Variants in PCDHGA1 observed in about 807,000 individuals in gnomAD.
The protein encoded by PCDHGA1 is protocadherin gamma-A1.
Under a neutral mutation model 58.0 loss-of-function variants are expected in PCDHGA1, and 32 were observed. The observed-to-expected ratio is 0.55, with a 90% CI of 0.42 to 0.74. The LOEUF is 0.74. Among genes scored for constraint, PCDHGA1 ranks in the 30% least tolerant of loss-of-function variants. The pLI is 0.00. For missense variants in PCDHGA1, 1,205 were observed against 1,182.3 expected (o/e 1.02, Z -0.28); for synonymous variants, 498 against 501.1 (o/e 0.99, Z 0.08).
At chr5:141,419,246 GAAAACAACCAGCC>G (rs749331717) in intron 1 of PCDHGA1, 1 of 1,614,004 alleles carries the variant, frequency 6.2e-7, no homozygotes, top group South Asian at 1.1e-5. Flanking sequence ...CCACGTGCCA[GAAAACAACCAGCC>G]GGGTGCCTCC....
chr5:141,489,942 C>T lies in PCDHGA1; in HGVS notation c.2422-4865C>T. On this transcript the variant is annotated intron_variant, in intron 1 of 3. Transcript: ENST00000517417. The surrounding 1 kb of genome is among the most constrained non-coding windows in gnomAD (Gnocchi z 4.5). ...CCCTTATCTCTGTCATCGTGCTGGA[C>T]ATCAATGATAATGCTCCAACCTTCC... 2 of 1,614,170 alleles carry T rather than the reference C, an allele frequency of 1.2e-6. No homozygotes were observed. The highest frequency in any genetic ancestry group is 1.7e-6 in the Non-Finnish European group (2 of 1,179,984).
intron 1 of PCDHGA1, among the ~76,000 whole-genome samples, chr5:141,402,461 C>A (rs892900332): frequency 1.3e-5 from 2 of 151,994 alleles, no homozygotes; most frequent in East Asian, 3.8e-4. Context: ...GTTTACATAT[C>A]TAGAAATAGA....
rs1337141924 is a variant in PCDHGA1, at chr5:141,512,916, CTAATATT to C, written c.*1746_*1752del. On this transcript the variant is annotated 3_prime_UTR_variant, in exon 4 of 4. Coordinates refer to ENST00000517417, the MANE Select transcript of PCDHGA1 (RefSeq NM_018912.3). The stretch of plus-strand genomic sequence containing the variant: ...CTGTGTCTCACGCAAGTTTTATACT[CTAATATT>C]TATATGGCTTTTTTTCTTCGACAAA... The C allele has an allele frequency of 1.3e-5, 2 of 152,206 alleles. No homozygotes were observed. Among genetic ancestry groups the C allele is most frequent in the Non-Finnish European group, 2.9e-5 (2 of 68,046 alleles). The allele number at this position is 152,206 out of a possible 1,614,324, so 9.4% of individuals were successfully genotyped here.
intron 1 of PCDHGA1, chr5:141,384,713 C>CA: frequency 6.2e-7 from 1 of 1,614,104 alleles, no homozygotes; most frequent in Non-Finnish European, 8.5e-7. Context: ...GCCTGGCTGT[C>CA]ATACCTCCTG....
chr5:141,387,938 T>G (rs1461367286), intron 1 of PCDHGA1: 1 of 1,476,714 alleles, frequency 6.8e-7, no homozygotes, highest in South Asian at 1.4e-5. Context: ...CAGTGCTCTT[T>G]CTCTTCCTGC....
At chr5:141,470,682 T>C (rs2099236741) in intron 1 of PCDHGA1, among the ~76,000 whole-genome samples, 1 of 152,138 alleles carries the variant, frequency 6.6e-6, no homozygotes, top group Non-Finnish European at 1.5e-5. Flanking sequence ...TGTTACCATC[T>C]TGAAATTCTT....
chr5:141,351,565 C>T (rs777094926), intron 1 of PCDHGA1: 4 of 1,614,044 alleles, frequency 2.5e-6, no homozygotes, highest in African/African-American at 1.3e-5. Context: ...CAAGCATCAC[C>T]CTGCACATCT....
At chr5:141,340,378 C>T (rs1445379465) in intron 1 of PCDHGA1, 1 of 1,614,062 alleles carries the variant, frequency 6.2e-7, no homozygotes, top group Non-Finnish European at 8.5e-7. Context: ...CCAGAGGAGC[C>T]TCTGTCTTCT....
At chr5:141,340,967 G>T in intron 1 of PCDHGA1, 2 of 1,613,876 alleles carry the variant, frequency 1.2e-6, no homozygotes, top group Non-Finnish European at 1.7e-6. Context: ...GGCCGTGGCC[G>T]ACAGGATCCC....
chr5:141,480,712 A>G (rs559266864), intron 1 of PCDHGA1, among the ~76,000 whole-genome samples: 13 of 152,306 alleles, frequency 8.5e-5, no homozygotes, highest in African/African-American at 2.9e-4. Context: ...CCGACAAATG[A>G]AAGCACAGTC....
chr5:141,331,573 T>C lies in PCDHGA1; in HGVS notation c.889T>C (p.Tyr297His). ...GGCCCAAATATTTCGTTTAGATTCT[T>C]ACACAGGAGAAATATCAAATAAAGA... is the stretch of plus-strand genomic sequence containing the variant. The part of the protein sequence containing the change: ...RVAQIFRLDS[Y>H]TGEISNKEPL... The change falls in exon 1 of 4, where the codon TAC (tyrosine) becomes CAC (histidine). Residue 297 changes from tyrosine to histidine, a missense_variant. Physicochemically the swap from Tyr to His is moderately conservative, Grantham distance 83 (BLOSUM62 2). Transcript: ENST00000517417. The C allele has an allele frequency of 1.2e-6, 2 of 1,614,142 alleles. No individual in the cohort carries two copies.
Position 141,404,830 on chromosome 5 carries a change from G to A in PCDHGA1, c.2421+71725G>A, listed in dbSNP as rs775106144. The A allele has an allele frequency of 3.7e-6, 6 of 1,613,932 alleles. No individual in the cohort carries two copies. In the East Asian group the frequency reaches 1.3e-4, roughly 36 times the overall value. ...CGGTGGGGCTGCACACAGGTGAAGT[G>A]CGCACAGCTCGGGCCCTGCTAGATA... On this transcript the variant is annotated intron_variant, in intron 1 of 3. Coordinates refer to ENST00000517417, the MANE Select transcript of PCDHGA1 (RefSeq NM_018912.3).
At chr5:141,412,198 G>T (rs1248911071) in intron 1 of PCDHGA1, 1 of 152,180 alleles carries the variant, frequency 6.6e-6, no homozygotes, top group African/African-American at 2.4e-5. Flanking sequence ...ATGAAAACAG[G>T]TCATTTGACA....
intron 1 of PCDHGA1, among the ~76,000 whole-genome samples, chr5:141,468,079 C>A (rs2099157359): frequency 6.6e-6 from 1 of 151,986 alleles, no homozygotes; most frequent in African/African-American, 2.4e-5. Context: ...AATCCCAGCA[C>A]TTTGGGAGGT....
At chr5:141,501,290 TACAC>T (rs55762287) in intron 2 of PCDHGA1, among the ~76,000 whole-genome samples, 45,565 of 135,778 alleles carry the variant, frequency 0.34, 7,845 homozygotes, top group Non-Finnish European at 0.42. Flanking sequence ...TATTCCCTTA[TACAC>T]ACACACACAC....
In PCDHGA1 at chr5:141,331,385, A is replaced by T. The variant is rs1427222600; in HGVS notation, c.701A>T (p.Asp234Val). Reference sequence around the variant, plus strand: ...CTCAGAATTTACATTCAGGTGGTGGATGCAAATGACAATCCTCCAGCATTT... The same window carrying T: ...CTCAGAATTTACATTCAGGTGGTGGTTGCAAATGACAATCCTCCAGCATTT... The part of the protein sequence containing the change: ...GTLRIYIQVV[D>V]ANDNPPAFTQ... The change falls in exon 1 of 4, where the codon GAT (aspartate) becomes GTT (valine). Residue 234 changes from aspartate (D) to valine (V), a missense_variant. Physicochemically the swap from Asp to Val is radical, Grantham distance 152. Coordinates refer to ENST00000517417, the MANE Select transcript of PCDHGA1 (RefSeq NM_018912.3). 6.2e-7 allele frequency: 1 copy of T among 1,614,184 alleles called. No individual in the cohort carries two copies. Among genetic ancestry groups the T allele is most frequent in the East Asian group, 2.2e-5 (1 of 44,872 alleles).
intron 1 of PCDHGA1, chr5:141,383,556 C>A: frequency 6.2e-7 from 1 of 1,612,766 alleles, no homozygotes; most frequent in Non-Finnish European, 8.5e-7. Context: ...ATGGCGGCGA[C>A]CCGCCCCGAT....
chr5:141,386,917 T>C (rs535277219), intron 1 of PCDHGA1, among the ~76,000 whole-genome samples: 1 of 152,302 alleles, frequency 6.6e-6, no homozygotes, highest in Non-Finnish European at 1.5e-5. Flanking sequence ...CCAAGGAATG[T>C]AAAATAAGTG....
intron 1 of PCDHGA1, chr5:141,414,893 C>T: frequency 6.2e-7 from 1 of 1,614,248 alleles, no homozygotes; most frequent in Non-Finnish European, 8.5e-7. Context: ...GCCCTCCCCA[C>T]AGACGGTTCC....
Sources: gnomAD v4.1 joint callset for allele counts (sites outside exome capture counted in the v4.1 genomes callset) on GRCh38, gnomAD v4.1.1 for gene constraint, Gnocchi (gnomAD v3.1) non-coding constraint, MANE v1.5 for transcripts, NCBI Gene and HGNC (gene_info 2026-07-23, HGNC 2026-07-21) for gene names.